The following CREBBP variants were observed in gnomAD, a reference collection of about 807,000 sequenced individuals.
CREBBP encodes CREB binding lysine acetyltransferase, also known as CREB-binding protein.
In CREBBP, 19 loss-of-function variants were observed where a neutral mutation model predicts 265.0. That is an observed-to-expected ratio of 0.07 (90% CI 0.05 to 0.11). CREBBP has a LOEUF of 0.11. CREBBP is among the 10% of genes least tolerant of loss of function. CREBBP has a pLI of 1.00. For synonymous variants in CREBBP, 1,457 were observed against 1,223.7 expected, an observed-to-expected ratio of 1.19 and a Z score of -3.98; for missense variants, 2,525 against 3,219.0, an observed-to-expected ratio of 0.78 and a Z score of 5.22.
rs1307679221 is a variant in CREBBP, at chr16:3,726,361, G to C, written c.*1357C>G. The C allele has an allele frequency of 3.0e-5, 7 of 233,294 alleles. No homozygotes were observed. The East Asian group carries it at 4.2e-4, about 14-fold the overall frequency. The allele number at this position is 233,294 out of a possible 1,614,324, so 14.5% of individuals were successfully genotyped here. A position where few individuals can be genotyped will look rare whatever the true frequency, so the allele number is the denominator to read the frequency against. On this transcript the variant is annotated 3_prime_UTR_variant, in exon 31 of 31. Transcript: ENST00000262367. ...TTCAGACCAACTGACGACCCTAACT[G>C]TGTGAGCGACAATCACCTGTGAGCC...
chr16:3,757,579 C>T (rs2052616661), intron 18 of CREBBP, among the ~76,000 whole-genome samples: 1 of 152,056 alleles, frequency 6.6e-6, no homozygotes, highest in South Asian at 2.1e-4. Flanking sequence ...AGACAGGTAC[C>T]ACAGGCAGAG....
intron 16 of CREBBP, among the ~76,000 whole-genome samples, chr16:3,764,968 GT>G (rs538154147): frequency 0.024 from 3,583 of 148,690 alleles, 143 homozygotes; most frequent in African/African-American, 0.084. Context: ...TTTTTTTTTT[GT>G]TTTGTTTTTG....
intron 23 of CREBBP, 102 bp downstream of exon 23, chr16:3,744,792 C>A (rs371702883): frequency 1.8e-5 from 16 of 908,750 alleles, no homozygotes; most frequent in Non-Finnish European, 2.7e-5. Flanking sequence ...GACAACCGAA[C>A]CTCAGAACCA....
At chr16:3,876,421 A>AAAAAAAAAAAAAAAAAAAAAAAAC (rs1567382924) in intron 1 of CREBBP, among the ~76,000 whole-genome samples, 1 of 149,864 alleles carries the variant, frequency 6.7e-6, no homozygotes, top group African/African-American at 2.5e-5. Flanking sequence ...AAAAAAAAAA[A>AAAAAAAAAAAAAAAAAAAAAAAAC]AAAAACAACC....
intron 25 of CREBBP, 166 bp downstream of exon 25, chr16:3,739,412 C>T: frequency 1.3e-6 from 1 of 784,126 alleles, no homozygotes; most frequent in South Asian, 1.7e-5. Context: ...TCATTTCCCG[C>T]TAGTTTAATG....
chr16:3,769,131 G>A (rs2141189525), intron 15 of CREBBP, 43 bp downstream of exon 15: 1 of 1,611,174 alleles, frequency 6.2e-7, no homozygotes, highest in Non-Finnish European at 8.5e-7. Context: ...CCTGGGTAAA[G>A]TTGCGATACG....
At chr16:3,792,575 G>A (rs947243421) in intron 4 of CREBBP, among the ~76,000 whole-genome samples, 1 of 152,194 alleles carries the variant, frequency 6.6e-6, no homozygotes, top group Non-Finnish European at 1.5e-5. Context: ...GAGGCTAACT[G>A]ACCCTGGTTA....
rs2151301927 is a variant in CREBBP, at chr16:3,728,320, C to G, written c.6727G>C (p.Ala2243Pro). 1 of 1,612,362 alleles carries G rather than the reference C, an allele frequency of 6.2e-7. No individual in the cohort carries two copies. The highest frequency in any genetic ancestry group is 8.5e-7 in the Non-Finnish European group (1 of 1,179,664). The change falls in exon 31 of 31, where the codon GCC (alanine) becomes CCC (proline). Residue 2243 changes from alanine (A) to proline (P), a missense_variant. Transcript: ENST00000262367. This position sits in a 1 kb window ranked among gnomAD's most constrained non-coding sequence, Gnocchi z 8.7. ...TGCATGCGCTGCTGCTGCTGCATGGCCGGTGGGTAGCCTCCGGGTCCTTGA... is the reference window on the plus strand; with the variant it reads ...TGCATGCGCTGCTGCTGCTGCATGGGCGGTGGGTAGCCTCCGGGTCCTTGA... ...QPQGPGGYPP[A>P]MQQQQRMQQH...
intron 3 of CREBBP, among the ~76,000 whole-genome samples, chr16:3,808,810 TC>T (rs1486297277): frequency 6.6e-6 from 1 of 152,226 alleles, no homozygotes; most frequent in Non-Finnish European, 1.5e-5. Context: ...CAAAATGTGC[TC>T]CTGGTTACTG....
chr16:3,825,021 A>G (rs1192977827), intron 2 of CREBBP, among the ~76,000 whole-genome samples: 2 of 152,244 alleles, frequency 1.3e-5, no homozygotes, highest in African/African-American at 4.8e-5. Context: ...GGTGGCTCTA[A>G]GATCTCTTTG....
At chr16:3,765,951 C>T (rs147043362) in intron 16 of CREBBP, among the ~76,000 whole-genome samples, 43 of 152,222 alleles carry the variant, frequency 2.8e-4, no homozygotes, top group African/African-American at 9.9e-4. Flanking sequence ...CTCAGCCTCC[C>T]AAAATGCTGA....
At chr16:3,774,321 T>C (rs1164383415) in intron 12 of CREBBP, among the ~76,000 whole-genome samples, 1 of 152,210 alleles carries the variant, frequency 6.6e-6, no homozygotes, top group African/African-American at 2.4e-5. Flanking sequence ...TTCTCCAGCC[T>C]TGGAACTCCC....
intron 2 of CREBBP, among the ~76,000 whole-genome samples, chr16:3,818,371 C>T (rs541369265): frequency 5.3e-5 from 8 of 149,686 alleles, no homozygotes; most frequent in African/African-American, 1.5e-4. Flanking sequence ...GTAGTGGCAC[C>T]GTCCCAGCTC....
At chr16:3,786,341 G>A (rs992050861) in intron 5 of CREBBP, among the ~76,000 whole-genome samples, 1 of 152,122 alleles carries the variant, frequency 6.6e-6, no homozygotes, top group Non-Finnish European at 1.5e-5. Flanking sequence ...ACTCCAGCCT[G>A]GGCAACAGAG....
intron 2 of CREBBP, among the ~76,000 whole-genome samples, chr16:3,814,499 A>C (rs889363658): frequency 6.6e-6 from 1 of 152,086 alleles, no homozygotes; most frequent in African/African-American, 2.4e-5. Context: ...CAAGTGATCC[A>C]TACACCTCAA....
intron 2 of CREBBP, among the ~76,000 whole-genome samples, chr16:3,829,377 A>T (rs1238735184): frequency 1.3e-5 from 2 of 152,216 alleles, no homozygotes; most frequent in Non-Finnish European, 2.9e-5. Context: ...TTACGTTCAC[A>T]CCATTAAAAT....
intron 2 of CREBBP, among the ~76,000 whole-genome samples, chr16:3,815,654 T>C (rs2054024126): frequency 6.6e-6 from 1 of 151,872 alleles, no homozygotes; most frequent in African/African-American, 2.4e-5. Flanking sequence ...AAAAAGTTTT[T>C]TCATTTTTAA....
At chr16:3,794,807 G>A (rs1464938039) in intron 3 of CREBBP, among the ~76,000 whole-genome samples, 2 of 152,202 alleles carry the variant, frequency 1.3e-5, no homozygotes, top group East Asian at 1.9e-4. Flanking sequence ...GGCAGTAAGA[G>A]AAGTGTTCCT....
intron 19 of CREBBP, among the ~76,000 whole-genome samples, chr16:3,752,851 C>G (rs181860010): frequency 1.6e-4 from 25 of 152,214 alleles, no homozygotes; most frequent in Admixed American, 1.5e-3. Context: ...CAATATAGAG[C>G]CTGGGCTCAA....
Sources: gnomAD v4.1 joint callset for allele counts (sites outside exome capture counted in the v4.1 genomes callset) on GRCh38, gnomAD v4.1.1 for gene constraint, Gnocchi (gnomAD v3.1) non-coding constraint, MANE v1.5 for transcripts, NCBI Gene and HGNC (gene_info 2026-07-23, HGNC 2026-07-21) for gene names.